The following KCND2 variants were observed in gnomAD, a reference collection of about 807,000 sequenced individuals.
The protein encoded by KCND2 is A-type voltage-gated potassium channel KCND2.
In KCND2, 16 loss-of-function variants were observed where a neutral mutation model predicts 54.4. The ratio of observed to expected loss-of-function variants is 0.29; its 90% CI spans 0.20 to 0.45. The LOEUF is 0.45. Among genes scored for constraint, KCND2 ranks in the 20% least tolerant of loss-of-function variants. KCND2 has a pLI of 1.00. For missense variants in KCND2, 486 were observed against 824.2 expected, an observed-to-expected ratio of 0.59 and a Z score of 5.02; for synonymous variants, 317 against 310.7, an observed-to-expected ratio of 1.02 and a Z score of -0.21.
intron 1 of KCND2, among the ~76,000 whole-genome samples, chr7:120,467,144 G>A (rs1802382345): frequency 1.3e-5 from 2 of 152,116 alleles, no homozygotes; most frequent in Non-Finnish European, 2.9e-5. Context: ...CTTTCGGGGA[G>A]CCATTACTAA....
At chr7:120,564,998 G>A (rs551450348) in intron 1 of KCND2, among the ~76,000 whole-genome samples, 3 of 152,262 alleles carry the variant, frequency 2.0e-5, no homozygotes, top group East Asian at 3.9e-4. Flanking sequence ...GTAATGTAGG[G>A]AAGGGGATTC....
At chr7:120,430,405 G>A (rs1021163713) in intron 1 of KCND2, among the ~76,000 whole-genome samples, 4 of 151,990 alleles carry the variant, frequency 2.6e-5, no homozygotes, top group African/African-American at 9.7e-5. Context: ...CACCACTTAA[G>A]GTCTCGAGTT....
chr7:120,570,507 G>A (rs868601187), intron 1 of KCND2, among the ~76,000 whole-genome samples: 43 of 151,288 alleles, frequency 2.8e-4, no homozygotes, highest in African/African-American at 9.7e-4. Flanking sequence ...TATGTAGTAT[G>A]AACCAATAAA....
intron 1 of KCND2, among the ~76,000 whole-genome samples, chr7:120,341,383 C>T (rs1800237494): frequency 6.6e-6 from 1 of 152,068 alleles, no homozygotes; most frequent in South Asian, 2.1e-4. Flanking sequence ...TCTTTAATTG[C>T]ACAGGTGCAG....
At position 120,314,427 on chromosome 7, in the gene KCND2, T is replaced by A. The variant is rs180951431; in HGVS notation, c.1115+38680T>A. 2.0e-5 allele frequency among the ~76,000 whole-genome samples: 3 copies of A among 152,282 alleles called. No individual in the cohort carries two copies. The East Asian group carries it at 5.8e-4, about 29-fold the overall frequency. ...TTTCCCTAACTCTAGGTTAAAAGACTAATTAGTAAAATTGATAATGTATGG... is the reference window on the plus strand; with the variant it reads ...TTTCCCTAACTCTAGGTTAAAAGACAAATTAGTAAAATTGATAATGTATGG... On this transcript the variant is annotated intron_variant, in intron 1 of 5. Transcript: ENST00000331113.
intron 1 of KCND2, among the ~76,000 whole-genome samples, chr7:120,507,043 T>A (rs1205071761): frequency 6.6e-6 from 1 of 151,894 alleles, no homozygotes; most frequent in Non-Finnish European, 1.5e-5. Flanking sequence ...TATGATAAAT[T>A]AACTAGTTAA....
At chr7:120,710,420 G>A (rs573603219) in intron 1 of KCND2, among the ~76,000 whole-genome samples, 4 of 152,212 alleles carry the variant, frequency 2.6e-5, no homozygotes, top group Admixed American at 1.3e-4. Flanking sequence ...AACAAAAGTT[G>A]AATTATACAA....
At chr7:120,594,956 G>A (rs1792718427) in intron 1 of KCND2, among the ~76,000 whole-genome samples, 1 of 151,420 alleles carries the variant, frequency 6.6e-6, no homozygotes, top group Admixed American at 6.6e-5. Context: ...GGAGGCGGAG[G>A]TTGCAGTGAG....
intron 1 of KCND2, among the ~76,000 whole-genome samples, chr7:120,347,019 T>C (rs1021790665): frequency 6.6e-6 from 1 of 152,130 alleles, no homozygotes; most frequent in Non-Finnish European, 1.5e-5. Flanking sequence ...ATATGTTTGC[T>C]AGCCTTCAAT....
chr7:120,582,958 G>GTA, intron 1 of KCND2, among the ~76,000 whole-genome samples: 1 of 143,208 alleles, frequency 7.0e-6, no homozygotes, highest in Non-Finnish European at 1.5e-5. Context: ...GTGTGTATGT[G>GTA]TGTGTGTGTG....
At chr7:120,550,203 A>G (rs142192610) in intron 1 of KCND2, among the ~76,000 whole-genome samples, 38 of 152,046 alleles carry the variant, frequency 2.5e-4, no homozygotes, top group African/African-American at 8.9e-4. Flanking sequence ...ACTGGAGTTA[A>G]TTTTCTCTTC....
intron 2 of KCND2, among the ~76,000 whole-genome samples, chr7:120,739,833 G>A (rs796922154): frequency 0.015 from 2,089 of 135,524 alleles, 23 homozygotes; most frequent in African/African-American, 0.036. Context: ...ACACACACAC[G>A]CACTCCCTTT....
At chr7:120,735,998 T>C (rs914918568) in intron 2 of KCND2, among the ~76,000 whole-genome samples, 1 of 152,092 alleles carries the variant, frequency 6.6e-6, no homozygotes, top group African/African-American at 2.4e-5. Context: ...GACTGGGCTA[T>C]GTGCCAAATA....
intron 1 of KCND2, among the ~76,000 whole-genome samples, chr7:120,700,187 A>C (rs1792382938): frequency 6.6e-6 from 1 of 152,212 alleles, no homozygotes; most frequent in African/African-American, 2.4e-5. Context: ...AAAGGATATA[A>C]ATAGAACAGT....
chr7:120,355,765 A>C (rs1009159377), intron 1 of KCND2, among the ~76,000 whole-genome samples: 1 of 152,286 alleles, frequency 6.6e-6, no homozygotes, highest in South Asian at 2.1e-4. Context: ...TCAAACCATC[A>C]TAACTAGGGG....
intron 1 of KCND2, among the ~76,000 whole-genome samples, chr7:120,495,996 A>T (rs891936612): frequency 6.6e-6 from 1 of 152,154 alleles, no homozygotes; most frequent in Non-Finnish European, 1.5e-5. Context: ...AAATCCCATT[A>T]AAAAAACAGA....
intron 1 of KCND2, among the ~76,000 whole-genome samples, chr7:120,532,522 T>C (rs948377545): frequency 1.3e-5 from 2 of 151,878 alleles, no homozygotes; most frequent in Admixed American, 6.6e-5. Flanking sequence ...TTTTGACATA[T>C]ACAATTTGAG....
At chr7:120,635,689 T>C (rs1435710870) in intron 1 of KCND2, among the ~76,000 whole-genome samples, 3 of 152,218 alleles carry the variant, frequency 2.0e-5, no homozygotes, top group Non-Finnish European at 4.4e-5. Flanking sequence ...AAACTTTCTT[T>C]GGAATGTCTC....
intron 1 of KCND2, among the ~76,000 whole-genome samples, chr7:120,515,951 G>A (rs771793271): frequency 2.6e-5 from 4 of 152,116 alleles, no homozygotes; most frequent in Non-Finnish European, 5.9e-5. Flanking sequence ...TTTGACCCAT[G>A]AGAGAATATG....
Sources: gnomAD v4.1 joint callset for allele counts (sites outside exome capture counted in the v4.1 genomes callset) on GRCh38, gnomAD v4.1.1 for gene constraint, MANE v1.5 for transcripts, NCBI Gene and HGNC (gene_info 2026-07-23, HGNC 2026-07-21) for gene names.